The following SEMA6A variants were observed in gnomAD, a reference collection of about 807,000 sequenced individuals.
The protein encoded by SEMA6A is semaphorin-6A.
A neutral mutation model predicts 96.8 loss-of-function variants in SEMA6A; 25 were observed. That is an observed-to-expected ratio of 0.26 (90% CI 0.19 to 0.36). SEMA6A has a LOEUF of 0.36. Among genes scored for constraint, SEMA6A ranks in the 10% least tolerant of loss-of-function variants. The pLI is 1.00. For synonymous variants in SEMA6A, 612 were observed against 518.0 expected (o/e 1.18, Z -2.46); for missense variants, 1,363 against 1,323.1 (o/e 1.03, Z -0.47).
At chr5:116,509,563 T>C (rs894311318) in intron 1 of SEMA6A, among the ~76,000 whole-genome samples, 1 of 151,758 alleles carries the variant, frequency 6.6e-6, no homozygotes, top group African/African-American at 2.4e-5. Flanking sequence ...ATGGTACTGT[T>C]CTAAGGGATT....
chr5:116,475,621 G>A lies in SEMA6A; in HGVS notation c.1650-18C>T, dbSNP rs1756406769. Reference sequence around the variant, plus strand: ...AAGTCAGTCTTTTAAAAAAGGAAGGGAAAGAGAGACAGAAATGAATACAAT... The same window carrying A: ...AAGTCAGTCTTTTAAAAAAGGAAGGAAAAGAGAGACAGAAATGAATACAAT... On this transcript the variant is annotated intron_variant, in intron 15 of 18. Coordinates refer to ENST00000343348, the MANE Select transcript of SEMA6A (RefSeq NM_020796.5). 6.4e-7 allele frequency: 1 copy of A among 1,570,018 alleles called. No individual in the cohort carries two copies. The highest frequency in any genetic ancestry group is 8.7e-7 in the Non-Finnish European group (1 of 1,151,152).
chr5:116,492,137 T>G (rs1207475387), intron 6 of SEMA6A, among the ~76,000 whole-genome samples: 1 of 152,202 alleles, frequency 6.6e-6, no homozygotes, highest in South Asian at 2.1e-4. Flanking sequence ...TGTTGAACTC[T>G]GACAGACTCT....
At chr5:116,547,925 C>A (rs1027113166) in intron 1 of SEMA6A, among the ~76,000 whole-genome samples, 6 of 152,102 alleles carry the variant, frequency 3.9e-5, no homozygotes, top group Non-Finnish European at 7.4e-5. Flanking sequence ...CAAATTAATG[C>A]CATCTCCAAA....
Position 116,444,310 on chromosome 5 carries a change from G to A in SEMA6A, c.*2303C>T, listed in dbSNP as rs910110910. 6.6e-5 allele frequency: 10 copies of A among 151,770 alleles called. No individual in the cohort carries two copies. Among genetic ancestry groups the A allele is most frequent in the Admixed American group, 5.9e-4 (9 of 15,254 alleles). 9.4% of individuals were successfully genotyped at this position (151,770 alleles called of 1,614,324 possible). ...AAACTAATGGACTTTTGGAACAAAGGGCTCTCACCCACCCTCAGCTAAGTA... is the reference window on the plus strand; with the variant it reads ...AAACTAATGGACTTTTGGAACAAAGAGCTCTCACCCACCCTCAGCTAAGTA... On this transcript the variant is annotated 3_prime_UTR_variant, in exon 19 of 19. Transcript: ENST00000343348.
chr5:116,555,516 G>A (rs185165932), intron 1 of SEMA6A, among the ~76,000 whole-genome samples: 1 of 152,234 alleles, frequency 6.6e-6, no homozygotes, highest in African/African-American at 2.4e-5. Context: ...AAACTTGTTT[G>A]TATCTATACA....
chr5:116,538,100 G>T (rs528767576), intron 1 of SEMA6A, among the ~76,000 whole-genome samples: 2 of 152,148 alleles, frequency 1.3e-5, no homozygotes, highest in African/African-American at 4.8e-5. Flanking sequence ...GCTTGAACCC[G>T]GGAGGCGGAG....
chr5:116,489,735 G>T (rs1757242664), intron 7 of SEMA6A, among the ~76,000 whole-genome samples: 1 of 152,190 alleles, frequency 6.6e-6, no homozygotes, highest in Non-Finnish European at 1.5e-5. Context: ...TCATGCTTTG[G>T]GGGAGATACG....
At chr5:116,541,240 A>G (rs1759949970) in intron 1 of SEMA6A, among the ~76,000 whole-genome samples, 2 of 152,200 alleles carry the variant, frequency 1.3e-5, no homozygotes, top group South Asian at 4.1e-4. Context: ...TCTAAATTCA[A>G]AGTATGGCAG....
At chr5:116,480,513 G>A (rs901074941) in intron 11 of SEMA6A, among the ~76,000 whole-genome samples, 6 of 152,158 alleles carry the variant, frequency 3.9e-5, no homozygotes, top group African/African-American at 1.4e-4. Context: ...CTGGGGGCAG[G>A]CTGGCTTCCT....
chr5:116,448,322 G>T (rs895514385), intron 18 of SEMA6A, among the ~76,000 whole-genome samples: 1 of 152,058 alleles, frequency 6.6e-6, no homozygotes, highest in African/African-American at 2.4e-5. Flanking sequence ...TCCAGCCTGG[G>T]TGACAGAGCG....
chr5:116,464,315 A>G (rs538117120), intron 18 of SEMA6A, among the ~76,000 whole-genome samples: 1 of 152,220 alleles, frequency 6.6e-6, no homozygotes, highest in Non-Finnish European at 1.5e-5. Flanking sequence ...AGAGAACCAG[A>G]GATAAAACAG....
At chr5:116,534,880 G>T (rs2112848247) in intron 1 of SEMA6A, among the ~76,000 whole-genome samples, 1 of 152,280 alleles carries the variant, frequency 6.6e-6, no homozygotes. Context: ...TGTCTAGAAG[G>T]ACTACAGAAA....
At chr5:116,470,399 C>A (rs10078884) in intron 17 of SEMA6A, among the ~76,000 whole-genome samples, 31,215 of 152,086 alleles carry the variant, frequency 0.21, 3,322 homozygotes, top group East Asian at 0.28. Flanking sequence ...GAAAGGTCAC[C>A]TTTTAATCAA....
intron 1 of SEMA6A, among the ~76,000 whole-genome samples, chr5:116,559,104 C>G (rs1255665871): frequency 6.6e-6 from 1 of 152,190 alleles, no homozygotes; most frequent in Non-Finnish European, 1.5e-5. Context: ...CCGTCTTCCT[C>G]CTATTAGCCA....
chr5:116,458,172 T>A (rs894925204), intron 18 of SEMA6A, among the ~76,000 whole-genome samples: 2 of 152,192 alleles, frequency 1.3e-5, no homozygotes, highest in African/African-American at 4.8e-5. Context: ...TTTCCCACTT[T>A]TCCACATAAT....
intron 1 of SEMA6A, among the ~76,000 whole-genome samples, chr5:116,527,942 G>A (rs1050759201): frequency 1.3e-5 from 2 of 152,184 alleles, no homozygotes; most frequent in East Asian, 1.9e-4. Context: ...ACAAAGATGC[G>A]AATTAGAGAA....
chr5:116,516,573 G>C (rs1016914175), intron 1 of SEMA6A, among the ~76,000 whole-genome samples: 8 of 151,982 alleles, frequency 5.3e-5, no homozygotes, highest in Non-Finnish European at 1.0e-4. Context: ...AGCCTGGCTT[G>C]ATTTACTTAG....
At chr5:116,494,955 G>A (rs1757514581) in intron 6 of SEMA6A, among the ~76,000 whole-genome samples, 1 of 152,214 alleles carries the variant, frequency 6.6e-6, no homozygotes, top group African/African-American at 2.4e-5. Context: ...CAAGAAAGCT[G>A]AGTGCTCAAT....
Position 116,447,036 on chromosome 5 carries a change from G to C in SEMA6A, c.2670C>G (p.Pro890=). ...KVPQREASLG[P]PGASLSQTGL... is the part of the protein sequence containing the mutation. ...CGGTCTGAGACAGGGAGGCTCCCGG[G>C]GGACCCAGGGAGGCCTCCCGCTGTG... Residue 890 remains proline, a synonymous_variant, in exon 19 of 19, where the codon CCC becomes CCG. Coordinates refer to ENST00000343348, the MANE Select transcript of SEMA6A (RefSeq NM_020796.5). 6.2e-7 allele frequency: 1 copy of C among 1,613,912 alleles called. No individual in the cohort carries two copies. Among genetic ancestry groups the C allele is most frequent in the Non-Finnish European group, 8.5e-7 (1 of 1,179,858 alleles).
Sources: allele counts gnomAD v4.1 joint callset (sites outside exome capture counted in the v4.1 genomes callset), GRCh38; gene constraint gnomAD v4.1.1; transcripts MANE v1.5; gene names NCBI Gene and HGNC (gene_info 2026-07-23, HGNC 2026-07-21).